The following SMYD3 variants were observed in gnomAD, a reference collection of about 807,000 sequenced individuals.
The protein encoded by SMYD3 is histone-lysine N-methyltransferase SMYD3.
SMYD3 carries 36 observed loss-of-function variants against 57.7 expected under a neutral mutation model. That is an observed-to-expected ratio of 0.62 (90% CI 0.48 to 0.82). SMYD3 has a LOEUF of 0.82. Among genes scored for constraint, SMYD3 ranks in the 40% least tolerant of loss-of-function variants. SMYD3 has a pLI of 0.00. For missense variants in SMYD3, 515 were observed against 538.8 expected (o/e 0.96, Z 0.44); for synonymous variants, 211 against 195.0 (o/e 1.08, Z -0.68).
chr1:246,222,328 C>T (rs2063269114), intron 5 of SMYD3, among the ~76,000 whole-genome samples: 1 of 152,104 alleles, frequency 6.6e-6, no homozygotes. Context: ...TTATTACGGA[C>T]TTTATTATCG....
intron 1 of SMYD3, among the ~76,000 whole-genome samples, chr1:246,382,344 C>G (rs1214257682): frequency 1.3e-5 from 2 of 152,122 alleles, no homozygotes. Context: ...AATGCCAGGT[C>G]AGTCCTCACA....
At chr1:246,276,558 T>C (rs1198929964) in intron 5 of SMYD3, among the ~76,000 whole-genome samples, 2 of 150,086 alleles carry the variant, frequency 1.3e-5, no homozygotes, top group East Asian at 2.0e-4. Flanking sequence ...TATTTAATGT[T>C]TCTAGTGGAG....
At chr1:245,880,010 G>A (rs933879208) in intron 8 of SMYD3, among the ~76,000 whole-genome samples, 7 of 151,092 alleles carry the variant, frequency 4.6e-5, no homozygotes, top group Non-Finnish European at 7.4e-5. Context: ...GCACAGGTGC[G>A]TTGCTGTACA....
At chr1:246,210,421 A>T (rs2063067227) in intron 5 of SMYD3, among the ~76,000 whole-genome samples, 1 of 152,202 alleles carries the variant, frequency 6.6e-6, no homozygotes, top group Non-Finnish European at 1.5e-5. Context: ...TACTTCTGAT[A>T]TAAAATAGGA....
rs369062071 is a variant in SMYD3, at chr1:245,856,648, C to T, written c.1076+1848G>A. Among the ~76,000 whole-genome samples, 14 of 152,278 alleles carry T rather than the reference C, an allele frequency of 9.2e-5. No individual in the cohort carries two copies. In the East Asian group the frequency reaches 1.7e-3, roughly 19 times the overall value. ...GTGGGGAAGAGAAGGTTGCAAAATA[C>T]GTGCAGAACAGACACCCGTGTAGGT... On this transcript the variant is annotated intron_variant, in intron 10 of 11. Transcript: ENST00000490107.
chr1:246,466,831 G>C (rs560922859), intron 1 of SMYD3, among the ~76,000 whole-genome samples: 8 of 152,164 alleles, frequency 5.3e-5, no homozygotes, highest in African/African-American at 1.7e-4. Context: ...CTGGGCAACA[G>C]AGTGAGGCCC....
intron 2 of SMYD3, among the ~76,000 whole-genome samples, chr1:246,339,726 T>C (rs1020917635): frequency 1.3e-4 from 20 of 152,198 alleles, no homozygotes; most frequent in African/African-American, 4.6e-4. Context: ...GTGCAACATG[T>C]TGAGAGGTGG....
In SMYD3 at chr1:246,355,699, G is replaced by A. The variant is rs1014280626; in HGVS notation, c.165-605C>T. On this transcript the variant is annotated intron_variant, in intron 1 of 11. Transcript: ENST00000490107. This position sits in a 1 kb window ranked among gnomAD's most constrained non-coding sequence, Gnocchi z 5.0. ...CTTTCCCCCACTTCTCTGGCAGCCT[G>A]TGTGACCCAGCAGAAGCAGCCATAA... is the stretch of plus-strand genomic sequence containing the variant. 2.0e-5 allele frequency among the ~76,000 whole-genome samples: 3 copies of A among 152,080 alleles called. No individual in the cohort carries two copies. The highest frequency in any genetic ancestry group is 3.9e-4 in the East Asian group (2 of 5,162).
At chr1:246,257,385 C>A (rs1427176846) in intron 5 of SMYD3, among the ~76,000 whole-genome samples, 1 of 152,124 alleles carries the variant, frequency 6.6e-6, no homozygotes, top group Non-Finnish European at 1.5e-5. Context: ...GAATTGAATC[C>A]TCTATCATTA....
At chr1:246,013,776 A>T (rs906308075) in intron 5 of SMYD3, among the ~76,000 whole-genome samples, 5 of 152,148 alleles carry the variant, frequency 3.3e-5, no homozygotes, top group African/African-American at 1.2e-4. Flanking sequence ...AGAAAATAAT[A>T]AGCAGCACTA....
At chr1:245,913,542 A>T (rs913315430) in intron 8 of SMYD3, among the ~76,000 whole-genome samples, 22 of 152,118 alleles carry the variant, frequency 1.4e-4, no homozygotes, top group African/African-American at 5.3e-4. Context: ...CATAGGGGAA[A>T]CACTTCAGAA....
At chr1:245,996,942 T>A (rs1025664185) in intron 5 of SMYD3, among the ~76,000 whole-genome samples, 2 of 152,220 alleles carry the variant, frequency 1.3e-5, no homozygotes. Context: ...GAACATGACC[T>A]GCATCTCAGA....
At chr1:246,273,441 C>T (rs996946798) in intron 5 of SMYD3, among the ~76,000 whole-genome samples, 3 of 152,086 alleles carry the variant, frequency 2.0e-5, no homozygotes, top group Admixed American at 6.5e-5. Context: ...TGAGCCACCA[C>T]GCCCGGCCCA....
chr1:246,242,575 A>T (rs2063633044), intron 5 of SMYD3, among the ~76,000 whole-genome samples: 1 of 152,174 alleles, frequency 6.6e-6, no homozygotes, highest in Admixed American at 6.5e-5. Context: ...TCATAATGAC[A>T]GGATCAAATT....
intron 5 of SMYD3, among the ~76,000 whole-genome samples, chr1:246,135,093 T>C (rs1018795277): frequency 1.3e-5 from 2 of 152,114 alleles, no homozygotes; most frequent in Non-Finnish European, 2.9e-5. Flanking sequence ...TATTTAAAAC[T>C]ATAACATGCT....
chr1:246,265,888 G>T (rs1314257820), intron 5 of SMYD3, among the ~76,000 whole-genome samples: 1 of 152,192 alleles, frequency 6.6e-6, no homozygotes, highest in African/African-American at 2.4e-5. Context: ...TTAATGAGAA[G>T]ATGGATTTTC....
chr1:245,984,342 A>G (rs1272158802), intron 5 of SMYD3, among the ~76,000 whole-genome samples: 1 of 152,172 alleles, frequency 6.6e-6, no homozygotes, highest in East Asian at 1.9e-4. Context: ...ACTGCTTCCT[A>G]GTTCAAAAAG....
intron 1 of SMYD3, among the ~76,000 whole-genome samples, chr1:246,477,831 A>C (rs1175301219): frequency 6.6e-6 from 1 of 152,146 alleles, no homozygotes; most frequent in Non-Finnish European, 1.5e-5. Context: ...AGTATTTCCC[A>C]CACTCTCAGA....
intron 5 of SMYD3, among the ~76,000 whole-genome samples, chr1:245,973,761 C>A (rs1019725719): frequency 6.6e-6 from 1 of 152,176 alleles, no homozygotes; most frequent in Non-Finnish European, 1.5e-5. Flanking sequence ...CCCTTAATAA[C>A]GTCTTTTGAT....
Sources: allele counts gnomAD v4.1 joint callset (sites outside exome capture counted in the v4.1 genomes callset), GRCh38; gene constraint gnomAD v4.1.1; non-coding constraint Gnocchi (gnomAD v3.1); transcripts MANE v1.5; gene names NCBI Gene and HGNC (gene_info 2026-07-23, HGNC 2026-07-21).